Variants in ADAM22 observed in about 807,000 individuals in gnomAD.
The protein encoded by ADAM22 is ADAM metallopeptidase domain 22.
ADAM22 carries 65 observed loss-of-function variants against 144.6 expected under a neutral mutation model. The ratio of observed to expected loss-of-function variants is 0.45; its 90% confidence interval spans 0.37 to 0.55. ADAM22 has a LOEUF of 0.55. Among genes scored for constraint, ADAM22 ranks in the 20% least tolerant of loss-of-function variants. The pLI is 0.00. For missense variants in ADAM22, 974 were observed against 1,184.9 expected, an observed-to-expected ratio of 0.82 and a Z score of 2.61; for synonymous variants, 391 against 412.6, an observed-to-expected ratio of 0.95 and a Z score of 0.63.
At chr7:88,021,652 C>G (rs578053533) in intron 3 of ADAM22, among the ~76,000 whole-genome samples, 1 of 152,274 alleles carries the variant, frequency 6.6e-6, no homozygotes, top group African/African-American at 2.4e-5. Context: ...TTCAGTGGTT[C>G]TAAAGCACAG....
chr7:88,097,461 T>G (rs1175719284), intron 4 of ADAM22, among the ~76,000 whole-genome samples: 1 of 152,058 alleles, frequency 6.6e-6, no homozygotes, highest in African/African-American at 2.4e-5. Flanking sequence ...ACAGAATCTT[T>G]TAGCGGCCAG....
Position 88,136,205 on chromosome 7 carries a change from T to G in ADAM22, c.1220+174T>G, listed in dbSNP as rs116279499. Reference sequence around the variant, plus strand: ...TTGATGTCAATTAAGTTGGTAGACCTCAAAGATTTTTTTTTCTTTAGCCTT... The same window carrying G: ...TTGATGTCAATTAAGTTGGTAGACCGCAAAGATTTTTTTTTCTTTAGCCTT... On this transcript the variant is annotated intron_variant, in intron 14 of 31. Coordinates refer to ENST00000413139, the MANE Select transcript of ADAM22 (RefSeq NM_001324418.2). Among the ~76,000 whole-genome samples, 1,294 of 152,288 alleles carry G rather than the reference T, an allele frequency of 8.5e-3. 20 individuals are homozygous for G. The highest frequency in any genetic ancestry group is 0.03 in the African/African-American group (1,230 of 41,540).
At chr7:88,086,020 C>T (rs1159590632) in intron 4 of ADAM22, among the ~76,000 whole-genome samples, 1 of 151,930 alleles carries the variant, frequency 6.6e-6, no homozygotes, top group Non-Finnish European at 1.5e-5. Context: ...ACTAAAAATA[C>T]AAAAAATTAG....
At chr7:87,945,304 A>G (rs1328191670) in intron 2 of ADAM22, among the ~76,000 whole-genome samples, 1 of 152,070 alleles carries the variant, frequency 6.6e-6, no homozygotes, top group Non-Finnish European at 1.5e-5. Context: ...ACTGAGATGG[A>G]TAATTTTGGT....
At chr7:88,086,864 G>T (rs1361616263) in intron 4 of ADAM22, among the ~76,000 whole-genome samples, 2 of 152,164 alleles carry the variant, frequency 1.3e-5, no homozygotes, top group Non-Finnish European at 2.9e-5. Flanking sequence ...TAATTGAAAT[G>T]AACAGTTATA....
At chr7:88,092,954 T>TA (rs1488056501) in intron 4 of ADAM22, among the ~76,000 whole-genome samples, 1 of 119,672 alleles carries the variant, frequency 8.4e-6, no homozygotes, top group Non-Finnish European at 1.9e-5. Context: ...GTATAAGATT[T>TA]TTTTTCCCCC....
At chr7:88,051,852 C>G (rs1806523974) in intron 3 of ADAM22, among the ~76,000 whole-genome samples, 1 of 151,564 alleles carries the variant, frequency 6.6e-6, no homozygotes, top group Non-Finnish European at 1.5e-5. Context: ...ACCCATTGTG[C>G]CCACTGAGTA....
chr7:87,992,661 AT>A (rs574963042), intron 3 of ADAM22, among the ~76,000 whole-genome samples: 155 of 152,044 alleles, frequency 1.0e-3, no homozygotes, highest in African/African-American at 3.5e-3. Flanking sequence ...TTATTCATAA[AT>A]TTTTTTTCTA....
chr7:88,126,459 G>A (rs1484332816), intron 8 of ADAM22, among the ~76,000 whole-genome samples: 1 of 151,922 alleles, frequency 6.6e-6, no homozygotes, highest in Non-Finnish European at 1.5e-5. Context: ...TAAAATATAT[G>A]TTTACAGACA....
intron 3 of ADAM22, among the ~76,000 whole-genome samples, chr7:88,033,475 G>T (rs1415962069): frequency 6.6e-6 from 1 of 152,250 alleles, no homozygotes. Flanking sequence ...CCATCACTGG[G>T]ACCACAGTGG....
At chr7:88,191,014 T>C (rs1013418054) in intron 30 of ADAM22, among the ~76,000 whole-genome samples, 11 of 151,150 alleles carry the variant, frequency 7.3e-5, no homozygotes, top group Non-Finnish European at 1.5e-5. Flanking sequence ...TAATCAATTT[T>C]ATACCAGCCT....
intron 4 of ADAM22, among the ~76,000 whole-genome samples, chr7:88,097,174 C>G (rs992708768): frequency 4.6e-5 from 6 of 131,042 alleles, no homozygotes; most frequent in African/African-American, 1.8e-4. Flanking sequence ...TTTTTTGAGA[C>G]AGAGTCTCAC....
intron 3 of ADAM22, among the ~76,000 whole-genome samples, chr7:88,067,487 T>G (rs1811567784): frequency 6.6e-6 from 1 of 152,002 alleles, no homozygotes; most frequent in South Asian, 2.1e-4. Flanking sequence ...CCATTATATG[T>G]TAATAGAATT....
At chr7:88,071,254 C>CAA (rs1399083091) in intron 3 of ADAM22, among the ~76,000 whole-genome samples, 2 of 151,772 alleles carry the variant, frequency 1.3e-5, no homozygotes, top group African/African-American at 4.8e-5. Flanking sequence ...TTTTAAGTTC[C>CAA]AAAACAGTGA....
chr7:88,055,954 C>T (rs536406212), intron 3 of ADAM22, among the ~76,000 whole-genome samples: 29 of 152,328 alleles, frequency 1.9e-4, no homozygotes, highest in African/African-American at 6.7e-4. Flanking sequence ...TGCCAATCAT[C>T]AGCCAAGACT....
intron 4 of ADAM22, among the ~76,000 whole-genome samples, chr7:88,097,551 T>C (rs1383892183): frequency 3.3e-5 from 5 of 151,736 alleles, no homozygotes; most frequent in African/African-American, 9.7e-5. Flanking sequence ...GTTATGTTTA[T>C]GGTAAAAGTG....
chr7:88,067,766 A>G (rs898827486), intron 3 of ADAM22, among the ~76,000 whole-genome samples: 1 of 152,138 alleles, frequency 6.6e-6, no homozygotes, highest in East Asian at 1.9e-4. Flanking sequence ...TAGTCCTAGC[A>G]TACACATTTA....
chr7:87,949,611 CAT>C (rs1443241383), intron 2 of ADAM22, among the ~76,000 whole-genome samples: 3 of 152,084 alleles, frequency 2.0e-5, no homozygotes, highest in Non-Finnish European at 4.4e-5. Flanking sequence ...ATTCATATGG[CAT>C]ATTCAGCCAA....
intron 2 of ADAM22, among the ~76,000 whole-genome samples, chr7:87,959,828 AAC>A (rs559569607): frequency 1.1e-3 from 172 of 152,330 alleles, no homozygotes; most frequent in African/African-American, 3.9e-3. Flanking sequence ...TAGTTTTTAA[AAC>A]AATAGCTTTA....
Sources: allele counts gnomAD v4.1 joint callset (sites outside exome capture counted in the v4.1 genomes callset), GRCh38; gene constraint gnomAD v4.1.1; transcripts MANE v1.5; gene names NCBI Gene and HGNC (gene_info 2026-07-23, HGNC 2026-07-21).